Variants in SNX29 observed in about 807,000 individuals in gnomAD.
The protein encoded by SNX29 is sorting nexin-29.
A neutral mutation model predicts 102.1 loss-of-function variants in SNX29; 78 were observed. The observed-to-expected ratio is 0.76, with a 90% confidence interval of 0.64 to 0.92. The LOEUF is 0.92. SNX29 is among the 40% of genes least tolerant of loss of function. SNX29 has a pLI of 0.00. For missense variants in SNX29, 1,280 were observed against 1,061.7 expected (o/e 1.21, Z -2.86); for synonymous variants, 580 against 414.5 (o/e 1.40, Z -4.85).
At chr16:12,249,235 A>C (rs555731990) in intron 14 of SNX29, among the ~76,000 whole-genome samples, 1 of 152,230 alleles carries the variant, frequency 6.6e-6, no homozygotes, top group African/African-American at 2.4e-5. Context: ...GGGCCAACTC[A>C]ATGAAGGCCA....
Position 12,032,572 on chromosome 16 carries a change from A to G in SNX29, c.247+5128A>G, listed in dbSNP as rs186068433. Among the ~76,000 whole-genome samples the G allele has an allele frequency of 3.7e-3, 558 of 152,184 alleles. 7 individuals carry two copies. Among genetic ancestry groups the G allele is most frequent in the African/African-American group, 0.013 (538 of 41,538 alleles). ...GGTATGTAGAGCCCATATTTTGTTTATTCCCATGACAGTTGGGTGTCTTCC... is the reference window on the plus strand; with the variant it reads ...GGTATGTAGAGCCCATATTTTGTTTGTTCCCATGACAGTTGGGTGTCTTCC... On this transcript the variant is annotated intron_variant, in intron 4 of 20. Transcript: ENST00000566228.
At chr16:12,494,645 C>T (rs1006259759) in intron 19 of SNX29, among the ~76,000 whole-genome samples, 1 of 152,184 alleles carries the variant, frequency 6.6e-6, no homozygotes, top group African/African-American at 2.4e-5. Context: ...TAACCACCCC[C>T]TTGGAACTTT....
At chr16:12,336,462 G>A (rs531446650) in intron 15 of SNX29, among the ~76,000 whole-genome samples, 2 of 152,344 alleles carry the variant, frequency 1.3e-5, no homozygotes, top group Non-Finnish European at 2.9e-5. Flanking sequence ...TGGATGGTTT[G>A]TGTTGCAGTC....
At chr16:12,118,896 C>A (rs998381294) in intron 11 of SNX29, among the ~76,000 whole-genome samples, 6 of 152,070 alleles carry the variant, frequency 3.9e-5, no homozygotes, top group Non-Finnish European at 7.4e-5. Context: ...CCATCTCAGG[C>A]CCCTTCCAAC....
intron 19 of SNX29, among the ~76,000 whole-genome samples, chr16:12,483,621 C>G (rs1221593451): frequency 6.6e-6 from 1 of 152,220 alleles, no homozygotes; most frequent in Admixed American, 6.5e-5. Flanking sequence ...GGCCCATTAA[C>G]TTTTATATAT....
At chr16:12,543,562 C>G (rs142019119) in intron 20 of SNX29, among the ~76,000 whole-genome samples, 1 of 152,206 alleles carries the variant, frequency 6.6e-6, no homozygotes, top group Non-Finnish European at 1.5e-5. Flanking sequence ...CACTGAGCCA[C>G]GAGATCACGC....
intron 15 of SNX29, among the ~76,000 whole-genome samples, chr16:12,347,617 A>T (rs1249987804): frequency 6.6e-6 from 1 of 152,094 alleles, no homozygotes; most frequent in Non-Finnish European, 1.5e-5. Context: ...GTCTGCTAAT[A>T]TGTAAAACAC....
In SNX29 at chr16:12,439,613, T is replaced by G. The variant is rs114200260; in HGVS notation, c.2037+36084T>G. 9.5e-3 allele frequency among the ~76,000 whole-genome samples: 1,453 copies of G among 152,174 alleles called. 32 individuals are homozygous for G. Among genetic ancestry groups the G allele is most frequent in the African/African-American group, 0.033 (1,362 of 41,514 alleles). The stretch of plus-strand genomic sequence containing the variant: ...GACTCATTCACTACCACGAGAACAG[T>G]ATAGGGGAAATTACCCCCATGATTC... On this transcript the variant is annotated intron_variant, in intron 18 of 20. Coordinates refer to ENST00000566228, the MANE Select transcript of SNX29 (RefSeq NM_032167.5).
intron 7 of SNX29, among the ~76,000 whole-genome samples, chr16:12,051,401 C>G (rs1596700862): frequency 1.3e-5 from 2 of 151,882 alleles, no homozygotes; most frequent in African/African-American, 2.4e-5. Flanking sequence ...GACATCACCT[C>G]TGGCTGGGAG....
chr16:12,185,658 T>C (rs2076492410), intron 13 of SNX29, among the ~76,000 whole-genome samples: 1 of 152,242 alleles, frequency 6.6e-6, no homozygotes. Context: ...CAGTCCATGT[T>C]TCTGCCTGTA....
At chr16:11,992,918 T>A (rs1038462370) in intron 1 of SNX29, among the ~76,000 whole-genome samples, 1 of 151,938 alleles carries the variant, frequency 6.6e-6, no homozygotes, top group Non-Finnish European at 1.5e-5. Context: ...TCCCAGCACT[T>A]CAGGAGGCTG....
intron 15 of SNX29, among the ~76,000 whole-genome samples, chr16:12,287,366 GTC>G (rs567786424): frequency 1.6e-3 from 246 of 152,286 alleles, no homozygotes; most frequent in African/African-American, 5.4e-3. Flanking sequence ...TCTCACAGGT[GTC>G]TCTCTGTTTT....
At chr16:12,515,649 A>C in intron 19 of SNX29, 1 of 483,522 alleles carries the variant, frequency 2.1e-6, no homozygotes, top group South Asian at 1.5e-5. Context: ...ACCCAAGCCA[A>C]GTCCATCTCT....
intron 16 of SNX29, among the ~76,000 whole-genome samples, chr16:12,370,756 T>G (rs1174337370): frequency 6.6e-6 from 1 of 152,220 alleles, no homozygotes; most frequent in Non-Finnish European, 1.5e-5. Flanking sequence ...TTCATGGAGT[T>G]TGGTTCCCTG....
intron 14 of SNX29, among the ~76,000 whole-genome samples, chr16:12,276,757 G>A (rs1460276165): frequency 6.6e-6 from 1 of 152,108 alleles, no homozygotes; most frequent in Non-Finnish European, 1.5e-5. Flanking sequence ...GAACTATCTG[G>A]TTCATTCTCA....
At chr16:12,034,908 G>A (rs1798734766) in intron 4 of SNX29, among the ~76,000 whole-genome samples, 1 of 152,106 alleles carries the variant, frequency 6.6e-6, no homozygotes, top group South Asian at 2.1e-4. Flanking sequence ...CTACTTGGGA[G>A]GCTGAGGCAG....
At chr16:12,105,227 C>CCCTCCCTTCCTT (rs1555461031) in intron 11 of SNX29, among the ~76,000 whole-genome samples, 2 of 105,672 alleles carry the variant, frequency 1.9e-5, no homozygotes, top group African/African-American at 6.7e-5. Flanking sequence ...CTCCCTCCCT[C>CCCTCCCTTCCTT]CCTTCCTTCC....
intron 14 of SNX29, among the ~76,000 whole-genome samples, chr16:12,255,258 T>A (rs1396718822): frequency 6.6e-6 from 1 of 152,148 alleles, no homozygotes; most frequent in South Asian, 2.1e-4. Context: ...CGCAATGGCG[T>A]GATCTCGGCT....
intron 15 of SNX29, among the ~76,000 whole-genome samples, chr16:12,338,466 ACCGTG>A (rs2081517659): frequency 1.3e-5 from 2 of 152,290 alleles, no homozygotes; most frequent in East Asian, 3.9e-4. Context: ...TTAGGTTCTC[ACCGTG>A]CATCAGGCGT....
Sources: gnomAD v4.1 joint callset for allele counts (sites outside exome capture counted in the v4.1 genomes callset) on GRCh38, gnomAD v4.1.1 for gene constraint, MANE v1.5 for transcripts, NCBI Gene and HGNC (gene_info 2026-07-23, HGNC 2026-07-21) for gene names.